Variants in FAM135A observed in about 807,000 individuals in gnomAD.
FAM135A encodes the protein protein FAM135A.
FAM135A carries 79 observed loss-of-function variants against 146.8 expected under a neutral mutation model. The observed-to-expected ratio is 0.54, with a 90% CI of 0.45 to 0.65. FAM135A has a LOEUF of 0.65. Ranked by LOEUF, FAM135A falls within the 30% of genes least tolerant of loss-of-function variation. The pLI, the probability that FAM135A is intolerant of heterozygous loss-of-function variation, is 0.00. For missense variants in FAM135A, 1,623 were observed against 1,758.2 expected (o/e 0.92, Z 1.38); for synonymous variants, 562 against 603.6 (o/e 0.93, Z 1.01).
chr6:70,514,802 C>A (rs569337083), intron 12 of FAM135A, among the ~76,000 whole-genome samples: 45 of 152,176 alleles, frequency 3.0e-4, no homozygotes, highest in Non-Finnish European at 5.3e-4. Context: ...TCATGACTTT[C>A]ACTTCCAAGA....
chr6:70,482,038 A>G lies in FAM135A; in HGVS notation c.707A>G (p.His236Arg), dbSNP rs763322121. Residue 236 changes from histidine to arginine, a missense_variant, in exon 10 of 22, where the codon CAT becomes CGT. Physicochemically the swap from His to Arg is conservative, Grantham distance 29. Coordinates refer to ENST00000418814, the MANE Select transcript of FAM135A (RefSeq NM_001162529.3). Reference protein sequence around the residue: ...SFIIADSFLHHAYRFHYTLCA... With the variant: ...SFIIADSFLHRAYRFHYTLCA... ...ATCATTGCAGACTCCTTCCTACATC[A>G]TGCGTATCGTTTTCATTATACACTT... 7 of 1,613,466 alleles carry G rather than the reference A, an allele frequency of 4.3e-6. No individual in the cohort carries two copies. In the East Asian group the frequency reaches 8.9e-5, roughly 21 times the overall value.
chr6:70,515,719 C>T (rs1336117181), intron 12 of FAM135A, among the ~76,000 whole-genome samples: 5 of 151,900 alleles, frequency 3.3e-5, no homozygotes, highest in Non-Finnish European at 7.4e-5. Flanking sequence ...GCCCCATGTA[C>T]CACACCAAGA....
chr6:70,445,472 A>G (rs552494214), intron 4 of FAM135A, among the ~76,000 whole-genome samples: 1 of 152,312 alleles, frequency 6.6e-6, no homozygotes, highest in East Asian at 1.9e-4. Flanking sequence ...TTCAGAGCTG[A>G]GTGCCCTGAA....
At chr6:70,461,911 AAATT>A (rs1299411460) in intron 5 of FAM135A, among the ~76,000 whole-genome samples, 2 of 152,164 alleles carry the variant, frequency 1.3e-5, no homozygotes, top group Non-Finnish European at 2.9e-5. Context: ...GTGTATGTAA[AAATT>A]AAGTTAGAAA....
intron 11 of FAM135A, among the ~76,000 whole-genome samples, chr6:70,496,488 A>G (rs1240144664): frequency 6.6e-6 from 1 of 152,134 alleles, no homozygotes; most frequent in African/African-American, 2.4e-5. Flanking sequence ...TCTGCTGTGC[A>G]GAAGCTCTTT....
intron 5 of FAM135A, among the ~76,000 whole-genome samples, chr6:70,455,044 G>A (rs1262548385): frequency 6.6e-6 from 1 of 152,106 alleles, no homozygotes; most frequent in African/African-American, 2.4e-5. Context: ...TCACAATATT[G>A]ATTCTTCCTA....
chr6:70,435,109 A>T (rs201386270), intron 4 of FAM135A, among the ~76,000 whole-genome samples: 5,104 of 64,434 alleles, frequency 0.079, 210 homozygotes, highest in African/African-American at 0.18. Flanking sequence ...ATATATATAT[A>T]TTTTTTTTTT....
chr6:70,524,299 C>G (rs1794237098), intron 14 of FAM135A, 44 bp from the exon 15 acceptor site: 2 of 1,450,894 alleles, frequency 1.4e-6, no homozygotes, highest in South Asian at 3.0e-5. Flanking sequence ...TATGAGTTCT[C>G]ACACCTTGTT....
chr6:70,513,670 G>A (rs1791565843), intron 12 of FAM135A, among the ~76,000 whole-genome samples: 1 of 152,002 alleles, frequency 6.6e-6, no homozygotes, highest in African/African-American at 2.4e-5. Flanking sequence ...CTACTAGGAT[G>A]TAGAAGTATA....
At chr6:70,534,133 G>A (rs1323490424) in intron 18 of FAM135A, among the ~76,000 whole-genome samples, 1 of 151,590 alleles carries the variant, frequency 6.6e-6, no homozygotes, top group Non-Finnish European at 1.5e-5. Flanking sequence ...TTTTGAGGTG[G>A]AAAAAAGGTC....
intron 4 of FAM135A, among the ~76,000 whole-genome samples, chr6:70,436,785 A>G (rs932484491): frequency 2.0e-5 from 3 of 152,238 alleles, no homozygotes; most frequent in African/African-American, 7.2e-5. Context: ...GATGGGGCCA[A>G]TAGTAATTGA....
intron 5 of FAM135A, among the ~76,000 whole-genome samples, chr6:70,467,236 T>C (rs973021561): frequency 5.3e-5 from 8 of 152,106 alleles, no homozygotes; most frequent in African/African-American, 1.7e-4. Context: ...TTGAAAATAT[T>C]ACTCCATTAT....
intron 8 of FAM135A, among the ~76,000 whole-genome samples, chr6:70,477,954 A>C (rs1782940371): frequency 6.6e-6 from 1 of 150,880 alleles, no homozygotes; most frequent in South Asian, 2.1e-4. Flanking sequence ...AAATAACCAC[A>C]CAACATTGTT....
intron 10 of FAM135A, among the ~76,000 whole-genome samples, chr6:70,482,756 T>A (rs951437318): frequency 3.9e-5 from 6 of 152,170 alleles, no homozygotes; most frequent in African/African-American, 1.4e-4. Flanking sequence ...TGTATGCCAT[T>A]TGTAGCTTGC....
intron 12 of FAM135A, among the ~76,000 whole-genome samples, chr6:70,519,211 A>G (rs527640836): frequency 7.9e-5 from 12 of 152,318 alleles, no homozygotes; most frequent in Non-Finnish European, 1.6e-4. Flanking sequence ...TGTGGTATAA[A>G]TAGCAAGAGA....
rs1182833266 is a variant in FAM135A at position 70,464,638 on chromosome 6, ATTTC to A, written c.158-10752_158-10749del. On this transcript the variant is annotated intron_variant, in intron 5 of 21. Coordinates refer to ENST00000418814, the MANE Select transcript of FAM135A (RefSeq NM_001162529.3). The stretch of plus-strand genomic sequence containing the variant: ...ATATTTCAGTTATTTATTTTTTTAA[ATTTC>A]TTTCTTTCTTTCTTTCTTTTTTTTC... Among the ~76,000 whole-genome samples the A allele has an allele frequency of 1.5e-3, 217 of 143,716 alleles. 3 individuals are homozygous for A. The highest frequency in any genetic ancestry group is 9.4e-3 in the East Asian group (47 of 4,980). The allele number at this position is 143,716 out of a possible 152,430, so 94.3% of individuals were successfully genotyped here. A position where few individuals can be genotyped will look rare whatever the true frequency, so the allele number is the denominator to read the frequency against.
intron 2 of FAM135A, among the ~76,000 whole-genome samples, chr6:70,423,300 G>A (rs555778151): frequency 1.1e-4 from 17 of 152,322 alleles, no homozygotes; most frequent in African/African-American, 3.4e-4. Flanking sequence ...AGAGGGTTTG[G>A]AACAGAGGAG....
intron 2 of FAM135A, among the ~76,000 whole-genome samples, chr6:70,422,411 T>C (rs1329317057): frequency 6.6e-6 from 1 of 152,206 alleles, no homozygotes; most frequent in Admixed American, 6.5e-5. Flanking sequence ...TTTCTTCTAC[T>C]ACAAAAATAA....
intron 8 of FAM135A, 36 bp from the exon 9 acceptor site, chr6:70,480,865 C>T (rs779584168): frequency 5.7e-6 from 9 of 1,579,088 alleles, no homozygotes; most frequent in African/African-American, 5.5e-5. Flanking sequence ...CAAATAGACT[C>T]GTATGACAAT....
Sources: allele counts gnomAD v4.1 joint callset (sites outside exome capture counted in the v4.1 genomes callset), GRCh38; gene constraint gnomAD v4.1.1; transcripts MANE v1.5; gene names NCBI Gene and HGNC (gene_info 2026-07-23, HGNC 2026-07-21).